The following RIPOR2 variants were observed in gnomAD, a reference collection of about 807,000 sequenced individuals.
The protein encoded by RIPOR2 is rho family-interacting cell polarization regulator 2.
Under a neutral mutation model 114.5 loss-of-function variants are expected in RIPOR2, and 39 were observed. The ratio of observed to expected loss-of-function variants is 0.34; its 90% CI spans 0.26 to 0.44. The LOEUF is 0.44. RIPOR2 is among the 20% of genes least tolerant of loss of function. The pLI, the probability that RIPOR2 is intolerant of heterozygous loss-of-function variation, is 1.00. For synonymous variants in RIPOR2, 445 were observed against 484.4 expected, an observed-to-expected ratio of 0.92 and a Z score of 1.07; for missense variants, 1,007 against 1,255.1, an observed-to-expected ratio of 0.80 and a Z score of 2.99.
intron 5 of RIPOR2, among the ~76,000 whole-genome samples, chr6:24,869,538 G>A (rs989169658): frequency 6.6e-6 from 1 of 151,986 alleles, no homozygotes; most frequent in African/African-American, 2.4e-5. Context: ...GGCTGGTCTT[G>A]AACTTCTGAG....
At chr6:24,953,334 C>T (rs5028565) in intron 1 of RIPOR2, among the ~76,000 whole-genome samples, 120,620 of 146,588 alleles carry the variant, frequency 0.82, 51,468 homozygotes, top group East Asian at 0.96. Context: ...ACTCTGCCCC[C>T]CCCCAAAAAA....
intron 1 of RIPOR2, among the ~76,000 whole-genome samples, chr6:24,924,119 A>G (rs1162432680): frequency 6.6e-6 from 1 of 152,196 alleles, no homozygotes; most frequent in African/African-American, 2.4e-5. Context: ...GGCAAGAGCC[A>G]GCACTGTTTT....
At chr6:24,841,494 G>A (rs35114991) in intron 13 of RIPOR2, among the ~76,000 whole-genome samples, 38,369 of 151,706 alleles carry the variant, frequency 0.25, 6,024 homozygotes, top group Middle Eastern at 0.36. Flanking sequence ...ATCTGCCTGG[G>A]GCACAAATCT....
chr6:24,962,402 G>A (rs1208474869), intron 1 of RIPOR2, among the ~76,000 whole-genome samples: 2 of 152,230 alleles, frequency 1.3e-5, no homozygotes, highest in Admixed American at 6.5e-5. Context: ...TTTGGAGGTC[G>A]GGGAGAATAA....
chr6:24,922,695 AC>A (rs1377070767), intron 1 of RIPOR2, among the ~76,000 whole-genome samples: 1 of 151,918 alleles, frequency 6.6e-6, no homozygotes, highest in Non-Finnish European at 1.5e-5. Context: ...CCCTGTCTCT[AC>A]CAAAAATACA....
chr6:24,935,441 A>G (rs947941144), intron 1 of RIPOR2, among the ~76,000 whole-genome samples: 1 of 151,862 alleles, frequency 6.6e-6, no homozygotes, highest in Admixed American at 6.6e-5. Flanking sequence ...ACCATGAAAA[A>G]CCACTCCTGG....
chr6:24,852,513 T>C lies in RIPOR2; in HGVS notation c.759+62A>G, dbSNP rs878954099. On this transcript the variant is annotated intron_variant, in intron 9 of 21. Transcript: ENST00000643898. ...CAACTTGAAAAGCAAAATAATGACA[T>C]GACAACTGGCCCCTACCCTTCAGGT... 71 of 1,227,666 alleles carry C rather than the reference T, an allele frequency of 5.8e-5. 1 individual carries two copies. In the South Asian group the frequency reaches 8.4e-4, roughly 14 times the overall value. 76.0% of individuals were successfully genotyped at this position (1,227,666 alleles called of 1,614,324 possible).
chr6:24,925,905 G>C (rs1026652517), intron 1 of RIPOR2, among the ~76,000 whole-genome samples: 4 of 152,048 alleles, frequency 2.6e-5, no homozygotes, highest in African/African-American at 4.8e-5. Context: ...TGAAGCAACT[G>C]AGCTAATGTT....
At chr6:24,962,837 G>A (rs1773364153) in intron 1 of RIPOR2, among the ~76,000 whole-genome samples, 1 of 152,162 alleles carries the variant, frequency 6.6e-6, no homozygotes, top group African/African-American at 2.4e-5. Flanking sequence ...TTGTTGGAGA[G>A]TGAATTTGCT....
chr6:24,964,457 G>A (rs180774801), intron 1 of RIPOR2, among the ~76,000 whole-genome samples: 5 of 152,272 alleles, frequency 3.3e-5, no homozygotes, highest in African/African-American at 4.8e-5. Context: ...TCAAGTTGCC[G>A]TGTGTATCAA....
intron 1 of RIPOR2, among the ~76,000 whole-genome samples, chr6:24,919,869 C>G (rs1483270694): frequency 6.6e-6 from 1 of 152,158 alleles, no homozygotes; most frequent in African/African-American, 2.4e-5. Context: ...TACACTCGCC[C>G]TCTTGTCGGC....
chr6:24,918,415 T>C (rs975610270), intron 1 of RIPOR2, among the ~76,000 whole-genome samples: 1 of 152,234 alleles, frequency 6.6e-6, no homozygotes, highest in Admixed American at 6.5e-5. Context: ...AATTTTCATT[T>C]CTCTTTCCAT....
At chr6:24,993,083 T>C (rs1042014432) in intron 1 of RIPOR2, among the ~76,000 whole-genome samples, 1 of 152,260 alleles carries the variant, frequency 6.6e-6, no homozygotes, top group Admixed American at 6.5e-5. Flanking sequence ...AGATCAATAG[T>C]AACATTTTGT....
chr6:24,838,419 G>A (rs1325231638), intron 14 of RIPOR2, among the ~76,000 whole-genome samples: 1 of 152,176 alleles, frequency 6.6e-6, no homozygotes, highest in Non-Finnish European at 1.5e-5. Context: ...CATCCAGTAA[G>A]AGTTCTTCAG....
rs1236410347 is a variant in RIPOR2, at chr6:24,849,909, A to G, written c.927T>C (p.Gly309=). The part of the protein sequence containing the change: ...LKGLATHILV[G]SVTCETKELF... ...GCTCTTTGGTCTCACAGGTCACGCT[A>G]CCTACCAGGATGTGAGTTGCTAGCC... The change falls in exon 11 of 22, where the codon GGT becomes GGC. Residue 309 remains glycine, a synonymous_variant. Coordinates refer to ENST00000643898, the MANE Select transcript of RIPOR2 (RefSeq NM_001286445.3). The G allele has an allele frequency of 5.0e-6, 8 of 1,613,888 alleles. No individual in the cohort carries two copies. Among genetic ancestry groups the G allele is most frequent in the Middle Eastern group, 1.6e-4 (1 of 6,062 alleles).
chr6:24,834,719 G>T (rs1760977560), intron 15 of RIPOR2, among the ~76,000 whole-genome samples: 1 of 152,048 alleles, frequency 6.6e-6, no homozygotes, highest in African/African-American at 2.4e-5. Flanking sequence ...TGCCTCCTAG[G>T]CTCAAGCAAT....
chr6:24,906,213 T>C (rs900340669), intron 1 of RIPOR2, among the ~76,000 whole-genome samples: 6 of 152,178 alleles, frequency 3.9e-5, no homozygotes, highest in Admixed American at 6.5e-5. Context: ...TAAATCTAGG[T>C]TCACAGGCAG....
upstream of RIPOR2, chr6:24,936,122 A>C: frequency 2.0e-6 from 1 of 495,264 alleles, no homozygotes. Flanking sequence ...AGGAGAAAGA[A>C]TTTTTTGAAG....
At chr6:24,902,689 CCTT>C (rs1768598154) in intron 1 of RIPOR2, among the ~76,000 whole-genome samples, 1 of 152,198 alleles carries the variant, frequency 6.6e-6, no homozygotes, top group South Asian at 2.1e-4. Flanking sequence ...AAACTAAACT[CCTT>C]CTCAATGGTA....
Sources: gnomAD v4.1 joint callset for allele counts (sites outside exome capture counted in the v4.1 genomes callset) on GRCh38, gnomAD v4.1.1 for gene constraint, MANE v1.5 for transcripts, NCBI Gene and HGNC (gene_info 2026-07-23, HGNC 2026-07-21) for gene names.